NR3C2: variants seen among roughly 807,000 people sequenced by gnomAD.
NR3C2 encodes mineralocorticoid receptor.
A neutral mutation model predicts 86.4 loss-of-function variants in NR3C2; 15 were observed. That is an observed-to-expected ratio of 0.17 (90% CI 0.12 to 0.27). The LOEUF is 0.27. Among genes scored for constraint, NR3C2 ranks in the 10% least tolerant of loss-of-function variants. NR3C2 has a pLI of 1.00. For synonymous variants in NR3C2, 458 were observed against 450.5 expected, an observed-to-expected ratio of 1.02 and a Z score of -0.21; for missense variants, 960 against 1,195.6, an observed-to-expected ratio of 0.80 and a Z score of 2.91.
At chr4:148,424,808 A>G (rs1749449476) in intron 2 of NR3C2, among the ~76,000 whole-genome samples, 1 of 152,168 alleles carries the variant, frequency 6.6e-6, no homozygotes, top group Non-Finnish European at 1.5e-5. Context: ...TTAGTGAATG[A>G]TAGAACTCTT....
chr4:148,381,417 A>G (rs1414708624), intron 2 of NR3C2, among the ~76,000 whole-genome samples: 1 of 152,174 alleles, frequency 6.6e-6, no homozygotes, highest in African/African-American at 2.4e-5. Context: ...AAGTTTCTAA[A>G]TGCTTTAAAA....
chr4:148,138,082 G>A (rs1472991627), intron 6 of NR3C2, among the ~76,000 whole-genome samples: 3 of 152,126 alleles, frequency 2.0e-5, no homozygotes, highest in Non-Finnish European at 4.4e-5. Context: ...GATTCTCAAT[G>A]CTTTGAGAGC....
At chr4:148,237,624 C>T (rs1361891126) in intron 3 of NR3C2, among the ~76,000 whole-genome samples, 8 of 147,436 alleles carry the variant, frequency 5.4e-5, no homozygotes, top group African/African-American at 9.9e-5. Flanking sequence ...CATTCTGCAG[C>T]GCTTCAATAA....
chr4:148,358,973 C>G (rs1579202669), intron 2 of NR3C2, among the ~76,000 whole-genome samples: 1 of 151,170 alleles, frequency 6.6e-6, no homozygotes, highest in East Asian at 1.9e-4. Flanking sequence ...CACACGCACA[C>G]ACACACACAC....
At chr4:148,130,236 C>A (rs1368573465) in intron 6 of NR3C2, among the ~76,000 whole-genome samples, 1 of 152,202 alleles carries the variant, frequency 6.6e-6, no homozygotes, top group Non-Finnish European at 1.5e-5. Flanking sequence ...CTTTATCACT[C>A]TTTTCTCTTT....
chr4:148,085,196 C>G (rs2149705287), intron 8 of NR3C2, among the ~76,000 whole-genome samples: 1 of 152,318 alleles, frequency 6.6e-6, no homozygotes, highest in Non-Finnish European at 1.5e-5. Context: ...ACAGAACATA[C>G]ATTCTTCTCA....
chr4:148,357,855 A>C (rs1226018194), intron 2 of NR3C2, among the ~76,000 whole-genome samples: 2 of 152,106 alleles, frequency 1.3e-5, no homozygotes, highest in Non-Finnish European at 2.9e-5. Flanking sequence ...AGGAGGGTTA[A>C]AAAAAATGAA....
intron 3 of NR3C2, among the ~76,000 whole-genome samples, chr4:148,247,897 G>T (rs1376432443): frequency 6.6e-6 from 1 of 152,038 alleles, no homozygotes; most frequent in Non-Finnish European, 1.5e-5. Flanking sequence ...TCATGATTCA[G>T]TGTGATCTGA....
intron 2 of NR3C2, among the ~76,000 whole-genome samples, chr4:148,397,639 T>C (rs1324371858): frequency 2.6e-5 from 4 of 152,180 alleles, no homozygotes; most frequent in Non-Finnish European, 5.9e-5. Flanking sequence ...CCTTTCCTTT[T>C]CCTAATCCCC....
At chr4:148,209,101 G>A (rs566366088) in intron 3 of NR3C2, among the ~76,000 whole-genome samples, 2 of 152,166 alleles carry the variant, frequency 1.3e-5, no homozygotes, top group Non-Finnish European at 2.9e-5. Context: ...AAAATTAGCT[G>A]GGTGTGGTGG....
chr4:148,335,223 C>T (rs1376651843), intron 2 of NR3C2, among the ~76,000 whole-genome samples: 3 of 152,176 alleles, frequency 2.0e-5, no homozygotes, highest in African/African-American at 7.2e-5. Flanking sequence ...GATTCTAATT[C>T]TTTCCCATTA....
At chr4:148,295,487 T>A (rs1320027738) in intron 2 of NR3C2, among the ~76,000 whole-genome samples, 1 of 150,038 alleles carries the variant, frequency 6.7e-6, no homozygotes, top group African/African-American at 2.5e-5. Flanking sequence ...ATTTCTGATA[T>A]AACTGGTCTC....
chr4:148,367,180 A>T (rs1250825745), intron 2 of NR3C2, among the ~76,000 whole-genome samples: 1 of 152,176 alleles, frequency 6.6e-6, no homozygotes, highest in East Asian at 1.9e-4. Context: ...AAAGAAACAA[A>T]ATACATAATA....
rs141278205 is a variant in NR3C2 at position 148,199,755 on chromosome 4, A to C, written c.1898-4893T>G. 4.9e-3 allele frequency among the ~76,000 whole-genome samples: 743 copies of C among 152,352 alleles called. 12 individuals are homozygous for C. Among genetic ancestry groups the C allele is most frequent in the African/African-American group, 0.017 (717 of 41,580 alleles). The stretch of plus-strand genomic sequence containing the variant: ...GAGGATTTTTAAGGCAGAATATAAA[A>C]AGGTAAAACATAGTCCATTTCTTCC... On this transcript the variant is annotated intron_variant, in intron 3 of 8. Coordinates refer to ENST00000358102, the MANE Select transcript of NR3C2 (RefSeq NM_000901.5).
At chr4:148,171,191 G>C (rs1169465095) in intron 4 of NR3C2, among the ~76,000 whole-genome samples, 2 of 152,186 alleles carry the variant, frequency 1.3e-5, no homozygotes, top group Admixed American at 1.3e-4. Context: ...GACACCACCT[G>C]GAGGTAAAAA....
chr4:148,102,420 G>A (rs1383282645), intron 8 of NR3C2, among the ~76,000 whole-genome samples: 5 of 152,248 alleles, frequency 3.3e-5, no homozygotes, highest in African/African-American at 7.2e-5. Context: ...AATCCTGTAC[G>A]TCCTAAACAA....
At chr4:148,230,261 T>C (rs1286864913) in intron 3 of NR3C2, among the ~76,000 whole-genome samples, 1 of 152,216 alleles carries the variant, frequency 6.6e-6, no homozygotes, top group Admixed American at 6.5e-5. Flanking sequence ...TGGTGTGATC[T>C]TGGCTCACTG....
At chr4:148,384,572 A>G (rs943022197) in intron 2 of NR3C2, among the ~76,000 whole-genome samples, 2 of 152,228 alleles carry the variant, frequency 1.3e-5, no homozygotes, top group Non-Finnish European at 2.9e-5. Context: ...TTCAGTACAC[A>G]TTCCAAACAA....
chr4:148,373,543 T>C (rs1210227235), intron 2 of NR3C2, among the ~76,000 whole-genome samples: 1 of 149,354 alleles, frequency 6.7e-6, no homozygotes, highest in Non-Finnish European at 1.5e-5. Context: ...AGCGCAATCT[T>C]GGGTCACTGC....
Sources: allele counts gnomAD v4.1 joint callset (sites outside exome capture counted in the v4.1 genomes callset), GRCh38; gene constraint gnomAD v4.1.1; transcripts MANE v1.5; gene names NCBI Gene and HGNC (gene_info 2026-07-23, HGNC 2026-07-21).